The following TENM2 variants were observed in gnomAD, a reference collection of about 807,000 sequenced individuals.
The protein encoded by TENM2 is teneurin transmembrane protein 2, also known as teneurin-2.
A neutral mutation model predicts 245.2 loss-of-function variants in TENM2; 52 were observed. The observed-to-expected ratio is 0.21, with a 90% CI of 0.17 to 0.27. TENM2 has a LOEUF of 0.27. TENM2 is among the 10% of genes least tolerant of loss of function. TENM2 has a pLI of 1.00. For synonymous variants in TENM2, 1,363 were observed against 1,438.9 expected, an observed-to-expected ratio of 0.95 and a Z score of 1.19; for missense variants, 3,046 against 3,666.8, an observed-to-expected ratio of 0.83 and a Z score of 4.37.
chr5:168,048,852 T>G (rs1788841640), intron 6 of TENM2, among the ~76,000 whole-genome samples: 1 of 152,226 alleles, frequency 6.6e-6, no homozygotes, highest in African/African-American at 2.4e-5. Context: ...TACCTTTAAG[T>G]AAGCATGAAA....
intron 7 of TENM2, among the ~76,000 whole-genome samples, chr5:168,081,177 A>G (rs1056706901): frequency 1.3e-5 from 2 of 152,158 alleles, no homozygotes; most frequent in Non-Finnish European, 2.9e-5. Flanking sequence ...TCCCTTTACC[A>G]TTATGTAATG....
chr5:167,326,873 T>C (rs1757120706), intron 1 of TENM2, among the ~76,000 whole-genome samples: 1 of 151,714 alleles, frequency 6.6e-6, no homozygotes, highest in Non-Finnish European at 1.5e-5. Flanking sequence ...GATGAAGAAA[T>C]AGTTTCTGTC....
At chr5:167,305,293 C>A (rs1381154044) in intron 1 of TENM2, among the ~76,000 whole-genome samples, 1 of 152,170 alleles carries the variant, frequency 6.6e-6, no homozygotes, top group African/African-American at 2.4e-5. Context: ...TAGGACATAC[C>A]TGTGCACTGC....
At chr5:168,144,688 A>G (rs1357224633) in intron 12 of TENM2, among the ~76,000 whole-genome samples, 2 of 151,800 alleles carry the variant, frequency 1.3e-5, no homozygotes. Flanking sequence ...TCCTTTGGGT[A>G]TATACCCAGT....
intron 7 of TENM2, among the ~76,000 whole-genome samples, chr5:168,075,061 G>A (rs1373403170): frequency 6.6e-6 from 1 of 152,084 alleles, no homozygotes; most frequent in African/African-American, 2.4e-5. Flanking sequence ...TGTACCCAAT[G>A]TGTAGTTTTT....
chr5:168,023,436 C>A (rs146828337), intron 5 of TENM2, among the ~76,000 whole-genome samples: 1 of 152,118 alleles, frequency 6.6e-6, no homozygotes, highest in African/African-American at 2.4e-5. Context: ...GGCCCGCCGA[C>A]GGCTGCCTGC....
intron 23 of TENM2, among the ~76,000 whole-genome samples, chr5:168,224,606 G>A (rs561658717): frequency 3.9e-5 from 6 of 152,190 alleles, no homozygotes; most frequent in Admixed American, 1.3e-4. Flanking sequence ...ACCGCTCACA[G>A]GCCCTCCCCA....
At chr5:167,380,377 C>T (rs919900165) in intron 2 of TENM2, among the ~76,000 whole-genome samples, 6 of 152,014 alleles carry the variant, frequency 3.9e-5, no homozygotes, top group South Asian at 2.1e-4. Context: ...CAAATGGACT[C>T]GTATGAGACT....
At chr5:167,037,844 C>T in the TENM2 span, among the ~76,000 whole-genome samples, 2 of 152,206 alleles carry the variant, frequency 1.3e-5, no homozygotes, top group East Asian at 1.9e-4. Context: ...CTCAGGTCTC[C>T]TGCAGTCTCT....
chr5:167,570,391 G>GAA (rs796169157), intron 2 of TENM2, among the ~76,000 whole-genome samples: 1 of 30,760 alleles, frequency 3.3e-5, no homozygotes, highest in African/African-American at 8.4e-5. Context: ...AATTGGAGAA[G>GAA]AAAAAAAAAA....
chr5:167,525,831 C>A (rs568987665), intron 2 of TENM2, among the ~76,000 whole-genome samples: 7 of 152,174 alleles, frequency 4.6e-5, no homozygotes, highest in African/African-American at 1.7e-4. Flanking sequence ...AGTAGTGAAA[C>A]CTGCATTCCT....
At position 167,635,936 on chromosome 5, in the gene TENM2, GC is replaced by G. The variant is rs149232842; in HGVS notation, c.503-240047del. Among the ~76,000 whole-genome samples, 1,395 of 151,692 alleles carry G rather than the reference GC, an allele frequency of 9.2e-3. 17 individuals are homozygous for G. Among genetic ancestry groups the G allele is most frequent in the East Asian group, 0.059 (302 of 5,104 alleles). On this transcript the variant is annotated intron_variant, in intron 2 of 28. Transcript: ENST00000518659. ...TGGGATTACAGGCGTGAGTCACAGC[GC>G]CCGGCCCAGTCTTTTCTTAAGATCA...
At chr5:167,265,281 G>A in the TENM2 span, among the ~76,000 whole-genome samples, 11 of 137,298 alleles carry the variant, frequency 8.0e-5, no homozygotes, top group South Asian at 2.3e-4. Flanking sequence ...TCAGTAAGCC[G>A]AGATCATGCC....
chr5:167,201,092 T>C, the TENM2 span, among the ~76,000 whole-genome samples: 1 of 152,132 alleles, frequency 6.6e-6, no homozygotes, highest in Non-Finnish European at 1.5e-5. Context: ...CTTTCGAATA[T>C]TTTTTTCTTC....
chr5:167,195,117 T>C, the TENM2 span, among the ~76,000 whole-genome samples: 1 of 151,972 alleles, frequency 6.6e-6, no homozygotes, highest in Non-Finnish European at 1.5e-5. Flanking sequence ...AAGAAAGCGG[T>C]AAAGGATCTC....
At chr5:167,210,503 C>T in the TENM2 span, among the ~76,000 whole-genome samples, 18 of 142,458 alleles carry the variant, frequency 1.3e-4, no homozygotes, top group Admixed American at 5.0e-4. Context: ...GTTGCCCAGG[C>T]CGGACTGCGG....
At chr5:167,191,857 C>T in the TENM2 span, among the ~76,000 whole-genome samples, 3 of 151,940 alleles carry the variant, frequency 2.0e-5, no homozygotes, top group African/African-American at 7.2e-5. Flanking sequence ...TTCTCTTACT[C>T]CAATAGTACT....
intron 2 of TENM2, among the ~76,000 whole-genome samples, chr5:167,658,681 G>C (rs1269516124): frequency 1.3e-5 from 2 of 152,138 alleles, no homozygotes; most frequent in Non-Finnish European, 2.9e-5. Flanking sequence ...TATCCACTTA[G>C]GTCCCTTTCT....
At chr5:167,552,469 C>T (rs201939957) in intron 2 of TENM2, among the ~76,000 whole-genome samples, 1 of 152,162 alleles carries the variant, frequency 6.6e-6, no homozygotes, top group African/African-American at 2.4e-5. Flanking sequence ...CATATTTAGT[C>T]AAGGCTGAAT....
Sources: allele counts gnomAD v4.1 joint callset (sites outside exome capture counted in the v4.1 genomes callset), GRCh38; gene constraint gnomAD v4.1.1; transcripts MANE v1.5; gene names NCBI Gene and HGNC (gene_info 2026-07-23, HGNC 2026-07-21).